Variants in ST6GAL1 observed in about 807,000 individuals in gnomAD.
ST6GAL1 encodes beta-galactoside alpha-2,6-sialyltransferase 1.
In ST6GAL1, 20 loss-of-function variants were observed where a neutral mutation model predicts 38.0. The ratio of observed to expected loss-of-function variants is 0.53; its 90% confidence interval spans 0.37 to 0.77. ST6GAL1 has a LOEUF of 0.77. ST6GAL1 is among the 30% of genes least tolerant of loss of function. ST6GAL1 has a pLI of 0.00. For missense variants in ST6GAL1, 432 were observed against 496.4 expected (o/e 0.87, Z 1.23); for synonymous variants, 196 against 188.2 (o/e 1.04, Z -0.34).
At chr3:187,070,678 C>T (rs557691722) in intron 5 of ST6GAL1, among the ~76,000 whole-genome samples, 15 of 152,214 alleles carry the variant, frequency 9.9e-5, no homozygotes, top group African/African-American at 3.6e-4. Context: ...CCGCCTCGGC[C>T]TCCCAAAGTG....
Position 187,042,659 on chromosome 3 carries a change from T to C in ST6GAL1, c.-45T>C, listed in dbSNP as rs1718164915. 6.5e-7 allele frequency: 1 copy of C among 1,538,870 alleles called. No homozygotes were observed. The highest frequency in any genetic ancestry group is 1.4e-5 in the African/African-American group (1 of 71,934). Reference sequence around the variant, plus strand: ...CCTTGTCTCACTTTTTTTAGGCTTGTTTTCCTGCTCAGAACAAAGTGACTT... The same window carrying C: ...CCTTGTCTCACTTTTTTTAGGCTTGCTTTCCTGCTCAGAACAAAGTGACTT... On this transcript the variant is annotated 5_prime_UTR_variant, in exon 4 of 8. Transcript: ENST00000169298.
At chr3:186,988,566 G>C (rs1016357418) in intron 2 of ST6GAL1, among the ~76,000 whole-genome samples, 7 of 130,464 alleles carry the variant, frequency 5.4e-5, no homozygotes, top group African/African-American at 1.5e-4. Flanking sequence ...GTTTTGGGGT[G>C]GGGGGGTGGT....
chr3:186,992,803 A>G (rs1014127525), intron 2 of ST6GAL1, among the ~76,000 whole-genome samples: 3 of 152,244 alleles, frequency 2.0e-5, no homozygotes, highest in Admixed American at 2.0e-4. Context: ...CTCAAAAACA[A>G]CAACAACAAA....
At chr3:187,017,204 C>G (rs561121643) in intron 2 of ST6GAL1, among the ~76,000 whole-genome samples, 3 of 152,108 alleles carry the variant, frequency 2.0e-5, no homozygotes, top group Non-Finnish European at 4.4e-5. Flanking sequence ...CTATGTCTAC[C>G]CTAGGCTGAA....
intron 5 of ST6GAL1, among the ~76,000 whole-genome samples, chr3:187,071,776 C>CAAA (rs11330261): frequency 7.5e-4 from 54 of 72,334 alleles, no homozygotes; most frequent in African/African-American, 1.8e-3. Flanking sequence ...GACTCCGCCT[C>CAAA]AAAAAAAAAA....
intron 1 of ST6GAL1, among the ~76,000 whole-genome samples, chr3:186,946,864 A>G (rs1202422304): frequency 5.9e-5 from 9 of 152,192 alleles, no homozygotes; most frequent in Non-Finnish European, 1.3e-4. Context: ...GGGGGATTTG[A>G]GAGTCAGTTA....
intron 3 of ST6GAL1, among the ~76,000 whole-genome samples, chr3:187,040,371 C>T (rs115004693): frequency 2.1e-3 from 323 of 152,268 alleles, no homozygotes; most frequent in African/African-American, 7.1e-3. Flanking sequence ...ACCTTGAGTC[C>T]GACTTGATCA....
chr3:186,985,165 TC>T (rs1460550433), intron 2 of ST6GAL1, among the ~76,000 whole-genome samples: 2 of 152,054 alleles, frequency 1.3e-5, no homozygotes, highest in Non-Finnish European at 2.9e-5. Flanking sequence ...CACCTCAGCC[TC>T]CCAAAGTGTT....
chr3:187,059,059 A>C (rs1198044789), intron 5 of ST6GAL1, among the ~76,000 whole-genome samples: 5 of 152,200 alleles, frequency 3.3e-5, no homozygotes, highest in African/African-American at 1.2e-4. Context: ...TTGGGGAAAT[A>C]GCAATAGCCG....
At chr3:187,026,984 G>A (rs1717561019) in intron 2 of ST6GAL1, among the ~76,000 whole-genome samples, 1 of 150,632 alleles carries the variant, frequency 6.6e-6, no homozygotes, top group Non-Finnish European at 1.5e-5. Context: ...TGGAGGCAGA[G>A]CTTGCAGTGA....
At chr3:187,002,525 C>A (rs902035511) in intron 2 of ST6GAL1, among the ~76,000 whole-genome samples, 2 of 152,200 alleles carry the variant, frequency 1.3e-5, no homozygotes, top group African/African-American at 4.8e-5. Flanking sequence ...TTTTACATGG[C>A]CTTGCACTCT....
chr3:186,974,690 T>G (rs1715462098), intron 2 of ST6GAL1, among the ~76,000 whole-genome samples: 1 of 149,920 alleles, frequency 6.7e-6, no homozygotes. Flanking sequence ...CATTAATTAA[T>G]TAATTAATTC....
chr3:187,024,533 A>C (rs187604627), intron 2 of ST6GAL1, among the ~76,000 whole-genome samples: 1 of 150,856 alleles, frequency 6.6e-6, no homozygotes, highest in African/African-American at 2.4e-5. Flanking sequence ...GTATATGTGT[A>C]TATATTTTAA....
chr3:187,028,635 A>G (rs1468463688), intron 2 of ST6GAL1, among the ~76,000 whole-genome samples: 1 of 152,022 alleles, frequency 6.6e-6, no homozygotes, highest in South Asian at 2.1e-4. Flanking sequence ...TATAATAACC[A>G]ATCTATGTTC....
intron 1 of ST6GAL1, among the ~76,000 whole-genome samples, chr3:186,958,714 G>T (rs1560141980): frequency 6.6e-6 from 1 of 152,136 alleles, no homozygotes; most frequent in Non-Finnish European, 1.5e-5. Flanking sequence ...TAATTTGGGA[G>T]GCCAAGGCTG....
chr3:187,034,982 T>C (rs1425700385), intron 2 of ST6GAL1, among the ~76,000 whole-genome samples: 3 of 152,184 alleles, frequency 2.0e-5, no homozygotes, highest in Non-Finnish European at 2.9e-5. Flanking sequence ...GCTGACAATA[T>C]GATTCTATAC....
At chr3:187,019,342 CTA>C (rs1717218418) in intron 2 of ST6GAL1, among the ~76,000 whole-genome samples, 1 of 152,206 alleles carries the variant, frequency 6.6e-6, no homozygotes, top group Non-Finnish European at 1.5e-5. Context: ...CAGGAAGTCT[CTA>C]TTGAGTAGCT....
chr3:187,034,719 A>G (rs1717868755), intron 2 of ST6GAL1, among the ~76,000 whole-genome samples: 1 of 152,196 alleles, frequency 6.6e-6, no homozygotes, highest in Non-Finnish European at 1.5e-5. Flanking sequence ...TCATCAAAAA[A>G]GCCTTCAAGA....
chr3:187,057,139 G>A (rs1296876545), intron 5 of ST6GAL1, among the ~76,000 whole-genome samples: 8 of 152,066 alleles, frequency 5.3e-5, no homozygotes, highest in African/African-American at 1.9e-4. Context: ...TTAAGCCATG[G>A]TTTTCAGCTC....
Sources: gnomAD v4.1 joint callset for allele counts (sites outside exome capture counted in the v4.1 genomes callset) on GRCh38, gnomAD v4.1.1 for gene constraint, MANE v1.5 for transcripts, NCBI Gene and HGNC (gene_info 2026-07-23, HGNC 2026-07-21) for gene names.